The following MEI1 variants were observed in gnomAD, a reference collection of about 807,000 sequenced individuals.
MEI1 encodes meiosis inhibitor protein 1.
Under a neutral mutation model 146.2 loss-of-function variants are expected in MEI1, and 103 were observed. The observed-to-expected ratio is 0.70, with a 90% CI of 0.60 to 0.83. MEI1 has a LOEUF of 0.83. Ranked by LOEUF, MEI1 falls within the 40% of genes least tolerant of loss-of-function variation. The pLI is 0.00. For synonymous variants in MEI1, 652 were observed against 628.2 expected, an observed-to-expected ratio of 1.04 and a Z score of -0.57; for missense variants, 1,529 against 1,533.0, an observed-to-expected ratio of 1.00 and a Z score of 0.04.
chr22:41,754,394 A>G (rs984198702), intron 17 of MEI1, among the ~76,000 whole-genome samples: 1 of 146,544 alleles, frequency 6.8e-6, no homozygotes, highest in Non-Finnish European at 1.5e-5. Context: ...CTATTTCTTC[A>G]TTCATTCAAG....
chr22:41,712,671 GAT>G lies in MEI1; in HGVS notation c.350-1330_350-1329del, dbSNP rs1491143080. Among the ~76,000 whole-genome samples the G allele has an allele frequency of 4.3e-3, 244 of 56,256 alleles. 1 individual carries two copies. The highest frequency in any genetic ancestry group is 0.016 in the African/African-American group (239 of 14,568). 36.9% of individuals were successfully genotyped at this position (56,256 alleles called of 152,430 possible). A position where few individuals can be genotyped will look rare whatever the true frequency, so the allele number is the denominator to read the frequency against. ...ATTTAAGTATATTTAAATAGAAATA[GAT>G]GTGTGTGTGTGTGTGTGTGTGTGTG... On this transcript the variant is annotated intron_variant, in intron 3 of 30. Coordinates refer to ENST00000401548, the MANE Select transcript of MEI1 (RefSeq NM_152513.4).
chr22:41,726,292 C>G (rs1474146031), intron 7 of MEI1, among the ~76,000 whole-genome samples: 1 of 152,150 alleles, frequency 6.6e-6, no homozygotes, highest in Non-Finnish European at 1.5e-5. Context: ...TGTCGGTCAT[C>G]AAGTGTAATG....
At chr22:41,755,282 C>T (rs968161820) in intron 17 of MEI1, among the ~76,000 whole-genome samples, 85 of 152,194 alleles carry the variant, frequency 5.6e-4, no homozygotes, top group African/African-American at 1.9e-3. Context: ...GCTCTTTTCC[C>T]CCTTATTATA....
intron 3 of MEI1, among the ~76,000 whole-genome samples, chr22:41,707,188 G>C (rs941330179): frequency 6.6e-6 from 1 of 152,152 alleles, no homozygotes; most frequent in African/African-American, 2.4e-5. Flanking sequence ...GGGTGATACA[G>C]TGAGACCCTG....
chr22:41,784,307 G>T, intron 24 of MEI1, 32 bp from the exon 25 acceptor site: 1 of 1,596,572 alleles, frequency 6.3e-7, no homozygotes, highest in South Asian at 1.1e-5. Flanking sequence ...TCCAGAACAT[G>T]GGGGTTAGCC....
intron 16 of MEI1, chr22:41,753,460 G>A (rs570525996): frequency 6.3e-6 from 1 of 158,180 alleles, no homozygotes; most frequent in East Asian, 1.9e-4. Context: ...CTGGACGACA[G>A]AGTGAGACCT....
chr22:41,777,813 T>TTTCCTTCCTTCCCTCC (rs1162966375), intron 21 of MEI1, among the ~76,000 whole-genome samples: 3 of 152,108 alleles, frequency 2.0e-5, no homozygotes, highest in African/African-American at 7.2e-5. Flanking sequence ...GGCTGTCTTC[T>TTTCCTTCCTTCCCTCC]TTCCTTCCTT....
In MEI1 at chr22:41,729,734, T is replaced by G. The variant is rs2071687257; in HGVS notation, c.934T>G (p.Ser312Ala). 1 of 1,611,748 alleles carries G rather than the reference T, an allele frequency of 6.2e-7. No homozygotes were observed. Among genetic ancestry groups the G allele is most frequent in the Non-Finnish European group, 8.5e-7 (1 of 1,179,178 alleles). ...CTGTATAACTGCGGTGCTTGTCCAC[T>G]CCCCAGCAAAGCATGCGTCAGCCTT... ...AHCITAVLVH[S>A]PAKHASAFIH... The change falls in exon 8 of 31, where the codon TCC becomes GCC. Residue 312 changes from serine to alanine, a missense_variant. By Grantham distance (99) the Ser-to-Ala change is moderately conservative. Coordinates refer to ENST00000401548, the MANE Select transcript of MEI1 (RefSeq NM_152513.4).
intron 1 of MEI1, among the ~76,000 whole-genome samples, chr22:41,700,456 C>CA (rs2068616324): frequency 6.6e-6 from 1 of 152,034 alleles, no homozygotes; most frequent in Non-Finnish European, 1.5e-5. Context: ...TCAACCTACC[C>CA]AGTAGCTGGG....
rs560853758 is a variant in MEI1, at chr22:41,750,261, A to C, written c.1792+2043A>C. ...AATGGTCAGGAGGAGGAGAGGTACG[A>C]GCATTTGGAGAGGTAGGAAGGAAAC... On this transcript the variant is annotated intron_variant, in intron 15 of 30. Transcript: ENST00000401548. Among the ~76,000 whole-genome samples the C allele has an allele frequency of 2.0e-5, 3 of 152,316 alleles. No individual in the cohort carries two copies. In the East Asian group the frequency reaches 5.8e-4, roughly 29 times the overall value.
chr22:41,776,389 G>A, intron 21 of MEI1, 122 bp downstream of exon 21: 1 of 1,052,722 alleles, frequency 9.5e-7, no homozygotes, highest in East Asian at 2.6e-5. Context: ...AAGAAAGCCA[G>A]GCCATTGTGG....
At chr22:41,721,075 A>G (rs1036020646) in intron 6 of MEI1, among the ~76,000 whole-genome samples, 16 of 146,262 alleles carry the variant, frequency 1.1e-4, no homozygotes, top group African/African-American at 4.1e-4. Context: ...CACTGCGCCC[A>G]GCCTTTTTTT....
chr22:41,753,517 C>G (rs2073911160), intron 16 of MEI1: 1 of 156,714 alleles, frequency 6.4e-6, no homozygotes, highest in Non-Finnish European at 1.4e-5. Flanking sequence ...TTTCAGAGAT[C>G]ATTTGTTTAA....
intron 1 of MEI1, among the ~76,000 whole-genome samples, chr22:41,701,273 T>C (rs1375120971): frequency 6.6e-6 from 1 of 152,038 alleles, no homozygotes; most frequent in Non-Finnish European, 1.5e-5. Flanking sequence ...CTGCATTCAG[T>C]CTGTTGTGCT....
At chr22:41,738,520 G>C (rs915789181) in intron 11 of MEI1, among the ~76,000 whole-genome samples, 2 of 152,160 alleles carry the variant, frequency 1.3e-5, no homozygotes, top group Non-Finnish European at 2.9e-5. Flanking sequence ...CTGGGAGGCG[G>C]AGGTTGCAGT....
At chr22:41,704,851 A>C (rs1364684818) in intron 2 of MEI1, among the ~76,000 whole-genome samples, 1 of 152,050 alleles carries the variant, frequency 6.6e-6, no homozygotes, top group Non-Finnish European at 1.5e-5. Flanking sequence ...AGTAGCTGGG[A>C]CTACAGGTGC....
chr22:41,736,120 C>T (rs1036888560), intron 11 of MEI1, among the ~76,000 whole-genome samples: 6 of 152,158 alleles, frequency 3.9e-5, no homozygotes, highest in Non-Finnish European at 7.3e-5. Context: ...CTGGTGGCTC[C>T]GGGCATTCCA....
At chr22:41,719,047 ATCTTGGCTCAC>A (rs2070490052) in intron 6 of MEI1, among the ~76,000 whole-genome samples, 1 of 141,566 alleles carries the variant, frequency 7.1e-6, no homozygotes, top group Non-Finnish European at 1.5e-5. Flanking sequence ...CAGTGGCGCA[ATCTTGGCTCAC>A]TGCAAGCTCC....
At chr22:41,784,293 G>A (rs1432144419) in intron 24 of MEI1, 46 bp from the exon 25 acceptor site, 1 of 1,558,376 alleles carries the variant, frequency 6.4e-7, no homozygotes, top group African/African-American at 1.4e-5. Flanking sequence ...TTTCTGCCCA[G>A]GCTTCCAGAA....
Sources: allele counts gnomAD v4.1 joint callset (sites outside exome capture counted in the v4.1 genomes callset), GRCh38; gene constraint gnomAD v4.1.1; transcripts MANE v1.5; gene names NCBI Gene and HGNC (gene_info 2026-07-23, HGNC 2026-07-21).